The following MAOB variants were observed in gnomAD, a reference collection of about 807,000 sequenced individuals.
The protein encoded by MAOB is amine oxidase [flavin-containing] B.
In MAOB, 15 loss-of-function variants were observed where a neutral mutation model predicts 41.9. That is an observed-to-expected ratio of 0.36 (90% CI 0.24 to 0.55). MAOB has a LOEUF of 0.55. Ranked by LOEUF, MAOB falls within the 20% of genes least tolerant of loss-of-function variation. The pLI is 0.86. For synonymous variants in MAOB, 167 were observed against 144.2 expected (o/e 1.16, Z -1.13); for missense variants, 345 against 398.7 (o/e 0.87, Z 1.15).
At chrX:43,830,486 A>G (rs1010937252) in intron 3 of MAOB, among the ~76,000 whole-genome samples, 2 of 112,200 alleles carry the variant, frequency 1.8e-5, no homozygotes, top group Non-Finnish European at 3.8e-5. Context: ...TTATCTATTT[A>G]TGATCGATTT....
intron 2 of MAOB, among the ~76,000 whole-genome samples, chrX:43,840,389 G>C (rs968154089): frequency 2.7e-5 from 3 of 111,832 alleles, no homozygotes; most frequent in East Asian, 5.6e-4. Flanking sequence ...GGCCATTTTG[G>C]GGGGATTACT....
intron 9 of MAOB, 60 bp downstream of exon 9, chrX:43,781,388 T>A (rs1374577618): frequency 1.5e-6 from 1 of 648,172 alleles, no homozygotes; most frequent in Admixed American, 4.0e-5. Flanking sequence ...CATTTGTTAA[T>A]AGTATGTGAT....
chrX:43,782,145 G>GAA (rs2034341676), intron 8 of MAOB, among the ~76,000 whole-genome samples: 2 of 110,909 alleles, frequency 1.8e-5, no homozygotes, highest in South Asian at 7.7e-4. Flanking sequence ...GATCAGAGCA[G>GAA]AACTGAAGGA....
intron 1 of MAOB, among the ~76,000 whole-genome samples, chrX:43,856,665 A>G (rs530939541): frequency 2.7e-4 from 30 of 111,848 alleles, no homozygotes; most frequent in African/African-American, 9.4e-4. Flanking sequence ...TTCTTACAAT[A>G]AAGTAAGCTA....
In MAOB at chrX:43,795,893, A is replaced by G; in HGVS notation, c.619-5T>C. The G allele has an allele frequency of 8.3e-7, 1 of 1,202,880 alleles. No individual in the cohort carries two copies. The highest frequency in any genetic ancestry group is 1.1e-6 in the Non-Finnish European group (1 of 892,288). On this transcript the variant is annotated splice_region_variant and splice_polypyrimidine_tract_variant and intron_variant, in intron 6 of 14. Transcript: ENST00000378069. ...TCCGCCCACAAATTTCCTCTCCTGG[A>G]AAGAGAAAAGGAGGTGAAAGAGAAA...
At chrX:43,798,928 C>T (rs748460072) in intron 5 of MAOB, among the ~76,000 whole-genome samples, 43 of 111,569 alleles carry the variant, frequency 3.9e-4, no homozygotes, top group Admixed American at 9.5e-5. Context: ...GAATATATAA[C>T]GACACAACTT....
At chrX:43,777,825 G>A (rs1013633446) in intron 11 of MAOB, among the ~76,000 whole-genome samples, 2 of 111,951 alleles carry the variant, frequency 1.8e-5, no homozygotes, top group Non-Finnish European at 3.8e-5. Flanking sequence ...CAGATAATTG[G>A]ATTTAATAAT....
intron 3 of MAOB, among the ~76,000 whole-genome samples, chrX:43,828,603 C>T (rs773972372): frequency 9.0e-6 from 1 of 111,369 alleles, no homozygotes; most frequent in East Asian, 2.8e-4. Context: ...GGGTTGAGGG[C>T]CTGCCCCGCA....
At chrX:43,841,418 A>G (rs1358542899) in intron 2 of MAOB, among the ~76,000 whole-genome samples, 1 of 112,204 alleles carries the variant, frequency 8.9e-6, no homozygotes, top group African/African-American at 3.2e-5. Context: ...AGTTTATGTG[A>G]ATAAATAAAA....
intron 2 of MAOB, among the ~76,000 whole-genome samples, chrX:43,841,743 A>G (rs1300260996): frequency 4.5e-5 from 5 of 112,187 alleles, no homozygotes; most frequent in Non-Finnish European, 7.5e-5. Flanking sequence ...AGAAAGCTCA[A>G]AAATAAACCC....
At chrX:43,875,374 G>A (rs1265561670) in intron 1 of MAOB, among the ~76,000 whole-genome samples, 1 of 111,890 alleles carries the variant, frequency 8.9e-6, no homozygotes. Flanking sequence ...TCCGTCTTCA[G>A]TCACCAATGA....
At chrX:43,831,982 A>G (rs966750679) in intron 3 of MAOB, among the ~76,000 whole-genome samples, 1 of 111,747 alleles carries the variant, frequency 8.9e-6, no homozygotes, top group Admixed American at 9.5e-5. Context: ...TATGATTGTA[A>G]TTCTTCCAAT....
intron 3 of MAOB, among the ~76,000 whole-genome samples, chrX:43,837,298 C>A (rs763716392): frequency 7.0e-4 from 79 of 112,599 alleles, no homozygotes; most frequent in Middle Eastern, 4.6e-3. Flanking sequence ...ATTTTCATTT[C>A]TAATTCATGT....
intron 1 of MAOB, among the ~76,000 whole-genome samples, chrX:43,854,327 G>A (rs184150476): frequency 1.8e-5 from 2 of 112,480 alleles, no homozygotes; most frequent in Non-Finnish European, 3.8e-5. Context: ...GGAATACTGT[G>A]CAGCCATAAA....
chrX:43,859,005 A>T (rs961203817), intron 1 of MAOB, among the ~76,000 whole-genome samples: 10 of 112,017 alleles, frequency 8.9e-5, no homozygotes, highest in East Asian at 5.6e-4. Context: ...TACACTTAAA[A>T]AAAGAATCAT....
chrX:43,770,797 C>A (rs1020318167), intron 12 of MAOB, among the ~76,000 whole-genome samples: 16 of 111,690 alleles, frequency 1.4e-4, no homozygotes, highest in African/African-American at 5.2e-4. Flanking sequence ...GGTGTATCAT[C>A]ACCCTATAAT....
At chrX:43,781,293 A>T (rs1031811007) in intron 9 of MAOB, among the ~76,000 whole-genome samples, 155 bp downstream of exon 9, 1 of 112,153 alleles carries the variant, frequency 8.9e-6, no homozygotes, top group Non-Finnish European at 1.9e-5. Context: ...TATTTAGAAA[A>T]GAACCAGTAA....
At chrX:43,853,129 G>T (rs191247294) in intron 1 of MAOB, among the ~76,000 whole-genome samples, 1 of 109,351 alleles carries the variant, frequency 9.1e-6, no homozygotes, top group African/African-American at 3.3e-5. Context: ...TTAGCCAGGC[G>T]TGGTGGCAAG....
chrX:43,795,546 C>T lies in MAOB; in HGVS notation c.768+193G>A, dbSNP rs564800939. On this transcript the variant is annotated intron_variant, in intron 7 of 14. Coordinates refer to ENST00000378069, the MANE Select transcript of MAOB (RefSeq NM_000898.5). The stretch of plus-strand genomic sequence containing the variant: ...CCCTCCCTGGAGGCTGGGGGTGGGG[C>T]TGAAAGTCCCAACCCTCTAGTCTTT... Among the ~76,000 whole-genome samples, 46 of 111,412 alleles carry T rather than the reference C, an allele frequency of 4.1e-4. 2 individuals are homozygous for T. In the South Asian group the frequency reaches 0.017, roughly 42 times the overall value.
Sources: gnomAD v4.1 joint callset for allele counts (sites outside exome capture counted in the v4.1 genomes callset) on GRCh38, gnomAD v4.1.1 for gene constraint, MANE v1.5 for transcripts, NCBI Gene and HGNC (gene_info 2026-07-23, HGNC 2026-07-21) for gene names.